Variants in HIBCH observed in about 807,000 individuals in gnomAD.
The protein encoded by HIBCH is 3-hydroxyisobutyryl-CoA hydrolase, mitochondrial.
In HIBCH, 50 loss-of-function variants were observed where a neutral mutation model predicts 58.2. The ratio of observed to expected loss-of-function variants is 0.86; its 90% CI spans 0.68 to 1.09. The LOEUF (loss-of-function observed/expected upper bound fraction) is 1.09. HIBCH is among the 50% of genes least tolerant of loss of function. The pLI, the probability that HIBCH is intolerant of heterozygous loss-of-function variation, is 0.00. For missense variants in HIBCH, 450 were observed against 449.7 expected (o/e 1.00, Z -0.01); for synonymous variants, 151 against 146.9 (o/e 1.03, Z -0.20).
intron 1 of HIBCH, among the ~76,000 whole-genome samples, chr2:190,193,325 C>T (rs796468345): frequency 1.7e-4 from 26 of 151,980 alleles, no homozygotes; most frequent in Non-Finnish European, 1.3e-4. Context: ...CCATTTTACA[C>T]GTTAGATTCA....
In HIBCH at chr2:190,293,800, AT is replaced by A. The variant is rs1330653323; in HGVS notation, c.304+745del. 4.6e-5 allele frequency among the ~76,000 whole-genome samples: 7 copies of A among 151,874 alleles called. No homozygotes were observed. In the East Asian group the frequency reaches 1.4e-3, roughly 29 times the overall value. On this transcript the variant is annotated intron_variant, in intron 4 of 13. Transcript: ENST00000359678. Reference sequence around the variant, plus strand: ...ATACAAAATGTAAAAAGTTTTCAATATACTGTACATATAATATGGACAATTA... The same window carrying A: ...ATACAAAATGTAAAAAGTTTTCAATAACTGTACATATAATATGGACAATTA...
Position 190,310,835 on chromosome 2 carries a change from G to A in HIBCH, c.36-39C>T, listed in dbSNP as rs758379144. ...GGAAAACAATGAGAACAGTAATGTG[G>A]GTAGTCATGTCTCAGTTGACAAATA... On this transcript the variant is annotated intron_variant, in intron 1 of 13. Coordinates refer to ENST00000359678, the MANE Select transcript of HIBCH (RefSeq NM_014362.4). The A allele has an allele frequency of 4.2e-6, 6 of 1,418,464 alleles. No individual in the cohort carries two copies. The African/African-American group carries it at 5.6e-5, about 13-fold the overall frequency. The allele number at this position is 1,418,464 out of a possible 1,614,324, so 87.9% of individuals were successfully genotyped here.
Position 190,244,886 on chromosome 2 carries a change from C to A in HIBCH, c.891+1G>T. ...CAGGGCAGAAAGGATTCCAATATTA[C>A]CTTCAATTGCTCTAGGGCAAAAGAT... is the stretch of plus-strand genomic sequence containing the variant. On this transcript the variant is annotated splice_donor_variant, in intron 11 of 13. Coordinates refer to ENST00000359678, the MANE Select transcript of HIBCH (RefSeq NM_014362.4). LOFTEE classifies it high-confidence loss of function. 1 of 1,594,190 alleles carries A rather than the reference C, an allele frequency of 6.3e-7. No homozygotes were observed. Among genetic ancestry groups the A allele is most frequent in the Non-Finnish European group, 8.6e-7 (1 of 1,161,886 alleles).
intron 6 of HIBCH, among the ~76,000 whole-genome samples, chr2:190,273,030 A>G (rs1687445653): frequency 6.6e-6 from 1 of 152,198 alleles, no homozygotes; most frequent in South Asian, 2.1e-4. Flanking sequence ...TACCTGTTAA[A>G]AAGAAAAAAA....
intron 1 of HIBCH, among the ~76,000 whole-genome samples, chr2:190,316,562 T>C (rs1233541247): frequency 6.6e-6 from 1 of 152,110 alleles, no homozygotes; most frequent in Admixed American, 6.5e-5. Flanking sequence ...TCCAGAAAAA[T>C]CAGTAATAAT....
intron 11 of HIBCH, among the ~76,000 whole-genome samples, chr2:190,234,833 C>CT (rs1234741280): frequency 2.0e-5 from 3 of 148,944 alleles, no homozygotes; most frequent in African/African-American, 7.5e-5. Flanking sequence ...GAGCAAGACT[C>CT]TAAAAAAAAA....
At position 190,240,156 on chromosome 2, in the gene HIBCH, A is replaced by G. The variant is rs549139169; in HGVS notation, c.891+4731T>C. Among the ~76,000 whole-genome samples, 26 of 152,218 alleles carry G rather than the reference A, an allele frequency of 1.7e-4. No homozygotes were observed. The South Asian group carries it at 4.6e-3, about 27-fold the overall frequency. On this transcript the variant is annotated intron_variant, in intron 11 of 13. Transcript: ENST00000359678. ...GGCTTTTTTTGGTTGGTAGGCCATT[A>G]ATTATTGCCTCAATTTCAGAAATTG...
At chr2:190,283,848 C>A (rs1687767345) in intron 6 of HIBCH, among the ~76,000 whole-genome samples, 1 of 152,184 alleles carries the variant, frequency 6.6e-6, no homozygotes, top group Non-Finnish European at 1.5e-5. Context: ...ATTCTCAATT[C>A]TCCCAAGGAT....
chr2:190,294,020 G>GTATATATATATATATATATATA (rs1413194024), intron 4 of HIBCH, among the ~76,000 whole-genome samples: 2 of 125,836 alleles, frequency 1.6e-5, no homozygotes, highest in Non-Finnish European at 3.3e-5. Flanking sequence ...TATATTTTGT[G>GTATATATATATATATATATATA]TGTATATATA....
chr2:190,278,211 C>T (rs1038840696), intron 6 of HIBCH, among the ~76,000 whole-genome samples: 1 of 145,676 alleles, frequency 6.9e-6, no homozygotes, highest in Non-Finnish European at 1.5e-5. Context: ...AAAGAATCTG[C>T]TTTTTTTTTT....
chr2:190,318,283 G>A (rs980807039), intron 1 of HIBCH, among the ~76,000 whole-genome samples: 4 of 152,044 alleles, frequency 2.6e-5, no homozygotes, highest in East Asian at 1.9e-4. Flanking sequence ...AGCTAAACTG[G>A]CACTGGGGTA....
intron 11 of HIBCH, among the ~76,000 whole-genome samples, chr2:190,242,443 C>T (rs956850141): frequency 3.3e-5 from 5 of 152,076 alleles, no homozygotes; most frequent in African/African-American, 7.2e-5. Context: ...AACTCATTTC[C>T]GTCCAGTTTT....
intron 6 of HIBCH, among the ~76,000 whole-genome samples, chr2:190,271,015 T>C (rs1286732662): frequency 6.8e-6 from 1 of 148,090 alleles, no homozygotes; most frequent in African/African-American, 2.4e-5. Context: ...CTTATTTACA[T>C]ATTATTATTA....
chr2:190,312,385 G>A (rs1575767213), intron 1 of HIBCH, among the ~76,000 whole-genome samples: 1 of 152,200 alleles, frequency 6.6e-6, no homozygotes, highest in Non-Finnish European at 1.5e-5. Flanking sequence ...TAAGATCTAT[G>A]GAAAGAGGTC....
intron 9 of HIBCH, among the ~76,000 whole-genome samples, chr2:190,246,820 T>C (rs1686621168): frequency 6.6e-6 from 1 of 152,208 alleles, no homozygotes; most frequent in South Asian, 2.1e-4. Context: ...ATCAAGGTCA[T>C]TCTTCAAGTA....
chr2:190,206,622 C>T lies in HIBCH; in HGVS notation c.1046-1390G>A, dbSNP rs967601104. Among the ~76,000 whole-genome samples, 1 of 152,084 alleles carries T rather than the reference C, an allele frequency of 6.6e-6. No homozygotes were observed. Among genetic ancestry groups the T allele is most frequent in the Non-Finnish European group, 1.5e-5 (1 of 68,008 alleles). ...ACTAAGATGGTCTTTTTTTCTTCTTCTATAACCACAAAGTAGTAATTTGTT... is the reference window on the plus strand; with the variant it reads ...ACTAAGATGGTCTTTTTTTCTTCTTTTATAACCACAAAGTAGTAATTTGTT... On this transcript the variant is annotated intron_variant, in intron 13 of 13. Coordinates refer to ENST00000359678, the MANE Select transcript of HIBCH (RefSeq NM_014362.4). The surrounding 1 kb of genome is among the most constrained non-coding windows in gnomAD (Gnocchi z 5.1).
intron 2 of HIBCH, among the ~76,000 whole-genome samples, chr2:190,298,492 T>TA (rs1380760865): frequency 2.6e-5 from 4 of 152,230 alleles, no homozygotes; most frequent in African/African-American, 9.6e-5. Context: ...TGCATTTCTC[T>TA]AATGACCAGT....
At chr2:190,221,180 C>A (rs899574153) in intron 11 of HIBCH, among the ~76,000 whole-genome samples, 1 of 152,152 alleles carries the variant, frequency 6.6e-6, no homozygotes, top group Non-Finnish European at 1.5e-5. Flanking sequence ...AATTAAGAAT[C>A]CTTGCAGTTT....
intron 11 of HIBCH, among the ~76,000 whole-genome samples, chr2:190,218,245 G>T (rs1559015743): frequency 6.6e-6 from 1 of 152,106 alleles, no homozygotes; most frequent in Non-Finnish European, 1.5e-5. Context: ...CTGGAATCAG[G>T]TCTGGTGGAC....
Sources: gnomAD v4.1 joint callset for allele counts (sites outside exome capture counted in the v4.1 genomes callset) on GRCh38, gnomAD v4.1.1 for gene constraint, Gnocchi (gnomAD v3.1) non-coding constraint, MANE v1.5 for transcripts, NCBI Gene and HGNC (gene_info 2026-07-23, HGNC 2026-07-21) for gene names.